Variants in CFAP52 observed in about 807,000 individuals in gnomAD.
The protein encoded by CFAP52 is cilia- and flagella-associated protein 52.
Under a neutral mutation model 70.5 loss-of-function variants are expected in CFAP52, and 57 were observed. The observed-to-expected ratio is 0.81, with a 90% confidence interval of 0.65 to 1.01. CFAP52 has a LOEUF of 1.01. Among genes scored for constraint, CFAP52 ranks in the 50% least tolerant of loss-of-function variants. The pLI is 0.00. For synonymous variants in CFAP52, 267 were observed against 292.5 expected (o/e 0.91, Z 0.89); for missense variants, 785 against 788.5 (o/e 1.00, Z 0.05).
In CFAP52 at chr17:9,589,830, C is replaced by A. The variant is rs192032155; in HGVS notation, c.407+2996C>A. The A allele has an allele frequency of 6.3e-4, 59 of 93,164 alleles. No individual in the cohort carries two copies. The Admixed American group carries it at 6.6e-3, about 10-fold the overall frequency. 5.8% of individuals were successfully genotyped at this position (93,164 alleles called of 1,614,324 possible). On this transcript the variant is annotated intron_variant, in intron 3 of 13. Coordinates refer to ENST00000352665, the MANE Select transcript of CFAP52 (RefSeq NM_145054.5). ...TTTTTTTTTTTGCAAGCAGAAAAAGCCTTGTTTTATTTTAATGACTGATCT... is the reference window on the plus strand; with the variant it reads ...TTTTTTTTTTTGCAAGCAGAAAAAGACTTGTTTTATTTTAATGACTGATCT...
At chr17:9,607,214 C>T (rs1472334875) in intron 6 of CFAP52, among the ~76,000 whole-genome samples, 1 of 152,104 alleles carries the variant, frequency 6.6e-6, no homozygotes. Flanking sequence ...GGCATGATGG[C>T]GCATGCCTAT....
intron 8 of CFAP52, among the ~76,000 whole-genome samples, chr17:9,614,157 CTTTTT>C (rs11347755): frequency 3.2e-5 from 3 of 93,970 alleles, no homozygotes; most frequent in Non-Finnish European, 6.6e-5. Context: ...TTCTTTCTTT[CTTTTT>C]TTTTTTTTTT....
intron 8 of CFAP52, among the ~76,000 whole-genome samples, chr17:9,616,469 G>C (rs1325417210): frequency 1.4e-4 from 19 of 136,872 alleles, no homozygotes; most frequent in South Asian, 5.0e-4. Flanking sequence ...CAAAGCAGCC[G>C]GGAAGCTCGA....
At chr17:9,627,827 C>T (rs1030217640) in intron 8 of CFAP52, among the ~76,000 whole-genome samples, 10 of 151,866 alleles carry the variant, frequency 6.6e-5, no homozygotes, top group African/African-American at 1.7e-4. Context: ...CTCAAGAGAT[C>T]TTCCTTCCTC....
chr17:9,629,500 C>CTTTT (rs1390651666), intron 9 of CFAP52, among the ~76,000 whole-genome samples: 5 of 133,578 alleles, frequency 3.7e-5, no homozygotes, highest in South Asian at 2.2e-4. Context: ...TCTTTCTTTT[C>CTTTT]TTTTCTTTCT....
intron 11 of CFAP52, among the ~76,000 whole-genome samples, chr17:9,636,386 T>C (rs962616420): frequency 2.0e-5 from 3 of 152,070 alleles, no homozygotes; most frequent in African/African-American, 7.2e-5. Context: ...TTGGCTGCAT[T>C]CCCGGGGACC....
intron 6 of CFAP52, among the ~76,000 whole-genome samples, chr17:9,606,224 G>GT (rs1430453472): frequency 6.6e-5 from 10 of 151,956 alleles, no homozygotes; most frequent in African/African-American, 1.9e-4. Context: ...TCTGTGAAAA[G>GT]TTTTTAAAAA....
rs144847536 is a variant in CFAP52 at position 9,592,625 on chromosome 17, C to A, written c.408-1568C>A. On this transcript the variant is annotated intron_variant, in intron 3 of 13. Coordinates refer to ENST00000352665, the MANE Select transcript of CFAP52 (RefSeq NM_145054.5). Reference sequence around the variant, plus strand: ...TAAGTAGAATCATACAATATGTGGTCTTTTGTGACTGGCTTCTTTCACTTA... The same window carrying A: ...TAAGTAGAATCATACAATATGTGGTATTTTGTGACTGGCTTCTTTCACTTA... Among the ~76,000 whole-genome samples the A allele has an allele frequency of 1.9e-4, 29 of 152,310 alleles. No homozygotes were observed. The East Asian group carries it at 4.6e-3, about 24-fold the overall frequency.
intron 1 of CFAP52, among the ~76,000 whole-genome samples, chr17:9,583,412 C>T (rs1908309667): frequency 6.6e-6 from 1 of 151,640 alleles, no homozygotes; most frequent in Admixed American, 6.6e-5. Context: ...CATTTAAGAA[C>T]AAGAAGATTA....
intron 7 of CFAP52, 25 bp downstream of exon 7, chr17:9,608,244 G>A: frequency 6.4e-7 from 1 of 1,571,490 alleles, no homozygotes. Context: ...TCACACAGTG[G>A]GGCTGGGTAG....
intron 8 of CFAP52, among the ~76,000 whole-genome samples, chr17:9,615,555 C>T (rs933115444): frequency 3.3e-5 from 5 of 151,802 alleles, no homozygotes; most frequent in African/African-American, 1.2e-4. Context: ...CCGTTTTAAC[C>T]TTTGCTGCAT....
intron 12 of CFAP52, among the ~76,000 whole-genome samples, chr17:9,639,371 C>A (rs918601771): frequency 6.6e-6 from 1 of 151,312 alleles, no homozygotes; most frequent in South Asian, 2.1e-4. Context: ...GTGGAGGTTG[C>A]GGCGAGCCAA....
At chr17:9,631,986 T>C (rs1910564087) in intron 9 of CFAP52, among the ~76,000 whole-genome samples, 1 of 152,096 alleles carries the variant, frequency 6.6e-6, no homozygotes, top group African/African-American at 2.4e-5. Context: ...TTGACCAGGC[T>C]GGTCTCCACC....
chr17:9,632,951 A>G lies in CFAP52; in HGVS notation c.1238A>G (p.Asn413Ser), dbSNP rs1341919882. The change falls in exon 10 of 14, where the codon AAC (asparagine) becomes AGC (serine). Residue 413 changes from asparagine to serine, a missense_variant. By Grantham distance (46) the Asn-to-Ser change is conservative (BLOSUM62 1). Transcript: ENST00000352665. ...ACAGGCCGACTGATGTATGTCATTA[A>G]CAATGCTCACAGGATCGGCGTCACC... is the stretch of plus-strand genomic sequence containing the variant. ...PETGRLMYVI[N>S]NAHRIGVTAI... is the part of the protein sequence containing the mutation. The G allele has an allele frequency of 3.1e-6, 5 of 1,614,152 alleles. No homozygotes were observed. Among genetic ancestry groups the G allele is most frequent in the Non-Finnish European group, 4.2e-6 (5 of 1,180,048 alleles).
intron 10 of CFAP52, among the ~76,000 whole-genome samples, chr17:9,635,077 A>C (rs1179765557): frequency 6.6e-6 from 1 of 152,182 alleles, no homozygotes; most frequent in East Asian, 1.9e-4. Flanking sequence ...AGCAAAAGTG[A>C]ATAGACATTA....
At chr17:9,602,596 T>C (rs897600061) in intron 6 of CFAP52, among the ~76,000 whole-genome samples, 2 of 152,128 alleles carry the variant, frequency 1.3e-5, no homozygotes, top group Non-Finnish European at 2.9e-5. Context: ...TACATGTGCA[T>C]GTAGAATGAT....
chr17:9,632,317 C>T (rs1471073065), intron 9 of CFAP52, among the ~76,000 whole-genome samples: 1 of 150,952 alleles, frequency 6.6e-6, no homozygotes, highest in Non-Finnish European at 1.5e-5. Context: ...TGGTCTTGTG[C>T]TCCTAGACTC....
chr17:9,600,772 A>G (rs1909233339), intron 6 of CFAP52, among the ~76,000 whole-genome samples: 1 of 152,162 alleles, frequency 6.6e-6, no homozygotes, highest in South Asian at 2.1e-4. Flanking sequence ...TTCACTGAGC[A>G]CACACTTTCT....
At chr17:9,630,779 A>G (rs1910444109) in intron 9 of CFAP52, among the ~76,000 whole-genome samples, 1 of 150,208 alleles carries the variant, frequency 6.7e-6, no homozygotes, top group South Asian at 2.1e-4. Flanking sequence ...TGAGGTCAGG[A>G]GTTTGAGAAC....
Sources: gnomAD v4.1 joint callset for allele counts (sites outside exome capture counted in the v4.1 genomes callset) on GRCh38, gnomAD v4.1.1 for gene constraint, MANE v1.5 for transcripts, NCBI Gene and HGNC (gene_info 2026-07-23, HGNC 2026-07-21) for gene names.